NAV2: variants seen among roughly 807,000 people sequenced by gnomAD.
NAV2 encodes the protein neuron navigator 2, also known as helicase, APC down-regulated 1.
In NAV2, 54 loss-of-function variants were observed where a neutral mutation model predicts 223.2. That is an observed-to-expected ratio of 0.24 (90% CI 0.19 to 0.30). The LOEUF is 0.30. Among genes scored for constraint, NAV2 ranks in the 10% least tolerant of loss-of-function variants. The pLI is 1.00. For synonymous variants in NAV2, 1,279 were observed against 1,239.3 expected, an observed-to-expected ratio of 1.03 and a Z score of -0.67; for missense variants, 2,806 against 3,147.5, an observed-to-expected ratio of 0.89 and a Z score of 2.60.
chr11:19,497,494 T>G (rs2042833419), intron 1 of NAV2, among the ~76,000 whole-genome samples: 2 of 152,042 alleles, frequency 1.3e-5, no homozygotes, highest in Admixed American at 1.3e-4. Flanking sequence ...CTCCTTAGAG[T>G]GGTCTAGTGT....
chr11:19,502,129 G>A (rs945430227), intron 1 of NAV2, among the ~76,000 whole-genome samples: 2 of 152,140 alleles, frequency 1.3e-5, no homozygotes, highest in African/African-American at 4.8e-5. Flanking sequence ...AAATGGAAGA[G>A]ATCTAAGATA....
intron 1 of NAV2, among the ~76,000 whole-genome samples, chr11:19,805,845 GGGTCAAAAGGT>G (rs1312590190): frequency 5.3e-5 from 8 of 152,160 alleles, no homozygotes; most frequent in African/African-American, 1.9e-4. Context: ...AGAACACTGA[GGGTCAAAAGGT>G]TAAACTGCTA....
At position 19,673,253 on chromosome 11, in the gene NAV2, G is replaced by A. The variant is rs562121689; in HGVS notation, c.76-159231G>A. Among the ~76,000 whole-genome samples the A allele has an allele frequency of 3.9e-5, 6 of 152,324 alleles. No individual in the cohort carries two copies. In the South Asian group the frequency reaches 1.2e-3, roughly 32 times the overall value. On this transcript the variant is annotated intron_variant, in intron 1 of 37. Coordinates refer to the NAV2 transcript ENST00000360655. ...CTAGAGATGCTACATTGAGTTTTAT[G>A]AATATATTCAGATATGTCTGTGTTT...
At chr11:19,401,614 AATCC>A (rs1430686143) in intron 1 of NAV2, among the ~76,000 whole-genome samples, 4 of 152,208 alleles carry the variant, frequency 2.6e-5, no homozygotes, top group African/African-American at 9.6e-5. Flanking sequence ...AAGAAAGGGT[AATCC>A]AGAAGATGCA....
intron 7 of NAV2, among the ~76,000 whole-genome samples, chr11:19,935,854 T>TTTTTTTTTTTTTTTTTTTTTTG: frequency 1.1e-5 from 1 of 93,830 alleles, no homozygotes; most frequent in Non-Finnish European, 2.3e-5. Flanking sequence ...TGTTTCTGTT[T>TTTTTTTTTTTTTTTTTTTTTTG]TTTTTTTTTT....
chr11:19,946,450 T>C lies in NAV2; in HGVS notation c.2196T>C (p.Asp732=), dbSNP rs775992650. The C allele has an allele frequency of 1.2e-6, 2 of 1,613,842 alleles. No homozygotes were observed. The highest frequency in any genetic ancestry group is 2.2e-5 in the South Asian group (2 of 90,960). Residue 732 remains aspartate (D), a synonymous_variant, in exon 9 of 38, where the codon GAT becomes GAC. Transcript: ENST00000349880. ...TGCGGACAGTGAAGAACATCGCTGATCTGCGGCAGAATTTGGAGGAAACCA... is the reference window on the plus strand; with the variant it reads ...TGCGGACAGTGAAGAACATCGCTGACCTGCGGCAGAATTTGGAGGAAACCA... ...RRLRTVKNIA[D]LRQNLEETMS...
intron 1 of NAV2, among the ~76,000 whole-genome samples, chr11:19,537,447 A>G (rs1434334794): frequency 1.3e-5 from 2 of 152,216 alleles, no homozygotes; most frequent in Admixed American, 6.5e-5. Flanking sequence ...GCGTACTACA[A>G]AATAAATGAT....
In NAV2 at chr11:19,624,340, T is replaced by G. The variant is rs1288331165; in HGVS notation, c.76-208144T>G. On this transcript the variant is annotated intron_variant, in intron 1 of 37. Transcript: ENST00000360655. Reference sequence around the variant, plus strand: ...TCTGCAGAAGTTTCTGCTGCCTTTTTTTCAGCTATGCCCTGCCCCCAGAGG... The same window carrying G: ...TCTGCAGAAGTTTCTGCTGCCTTTTGTTCAGCTATGCCCTGCCCCCAGAGG... 5.3e-5 allele frequency among the ~76,000 whole-genome samples: 8 copies of G among 152,292 alleles called. 1 individual carries two copies. In the South Asian group the frequency reaches 6.2e-4, roughly 12 times the overall value.
chr11:19,530,722 T>TA (rs1231768849), intron 1 of NAV2, among the ~76,000 whole-genome samples: 2 of 152,190 alleles, frequency 1.3e-5, no homozygotes, highest in African/African-American at 4.8e-5. Flanking sequence ...TAATAAACGA[T>TA]AAAAAACCAA....
intron 1 of NAV2, among the ~76,000 whole-genome samples, chr11:19,759,202 C>A (rs1417749564): frequency 6.6e-6 from 1 of 151,368 alleles, no homozygotes. Flanking sequence ...CCTGTCTCAG[C>A]CTCCCCAGCA....
At chr11:20,023,703 T>TGGGTGG in intron 11 of NAV2, among the ~76,000 whole-genome samples, 4 of 122,196 alleles carry the variant, frequency 3.3e-5, no homozygotes, top group Admixed American at 8.8e-5. Context: ...TTGCTGGGTG[T>TGGGTGG]GTGTGTGTGT....
At chr11:19,974,265 T>C (rs2049510109) in intron 10 of NAV2, among the ~76,000 whole-genome samples, 1 of 152,188 alleles carries the variant, frequency 6.6e-6, no homozygotes, top group Non-Finnish European at 1.5e-5. Context: ...ATTACTTGCA[T>C]GTCTGTTAAA....
chr11:19,714,249 A>G, intron 1 of NAV2: 1 of 644,132 alleles, frequency 1.6e-6, no homozygotes, highest in Non-Finnish European at 2.9e-6. Flanking sequence ...TGTTCTCAAA[A>G]AACGTGTGCA....
chr11:19,979,852 A>T (rs905538261), intron 10 of NAV2, among the ~76,000 whole-genome samples: 1 of 152,216 alleles, frequency 6.6e-6, no homozygotes, highest in Admixed American at 6.5e-5. Flanking sequence ...CTGAAATGCG[A>T]CAGTTGGGAT....
chr11:19,496,697 G>T (rs2042804049), intron 1 of NAV2, among the ~76,000 whole-genome samples: 1 of 152,158 alleles, frequency 6.6e-6, no homozygotes. Flanking sequence ...CTGAATGTTA[G>T]GTGGCAAGGA....
At chr11:19,478,006 G>T (rs1427895411) in intron 1 of NAV2, among the ~76,000 whole-genome samples, 1 of 152,170 alleles carries the variant, frequency 6.6e-6, no homozygotes, top group African/African-American at 2.4e-5. Context: ...AATTCAGCAG[G>T]TATTGCTATA....
intron 10 of NAV2, among the ~76,000 whole-genome samples, chr11:19,958,314 G>T (rs1344137949): frequency 6.6e-6 from 1 of 152,228 alleles, no homozygotes; most frequent in Non-Finnish European, 1.5e-5. Flanking sequence ...TATGCTAAAA[G>T]CACTGAGACC....
intron 1 of NAV2, among the ~76,000 whole-genome samples, chr11:19,467,131 T>A (rs1334291106): frequency 6.6e-6 from 1 of 152,192 alleles, no homozygotes; most frequent in African/African-American, 2.4e-5. Context: ...TAGCTCAATT[T>A]TTCCTCTTAA....
chr11:19,447,743 G>A (rs1334974192), intron 1 of NAV2, among the ~76,000 whole-genome samples: 5 of 152,222 alleles, frequency 3.3e-5, no homozygotes, highest in African/African-American at 1.2e-4. Flanking sequence ...GTCCCTTTCT[G>A]GACCGGGTAG....
Sources: gnomAD v4.1 joint callset for allele counts (sites outside exome capture counted in the v4.1 genomes callset) on GRCh38, gnomAD v4.1.1 for gene constraint, MANE v1.5 for transcripts, NCBI Gene and HGNC (gene_info 2026-07-23, HGNC 2026-07-21) for gene names.